Variants in FRAS1 observed in about 807,000 individuals in gnomAD.
FRAS1 encodes Fraser extracellular matrix complex subunit 1, also known as extracellular matrix organizing protein FRAS1.
FRAS1 carries 290 observed loss-of-function variants against 435.2 expected under a neutral mutation model. The observed-to-expected ratio is 0.67, with a 90% CI of 0.61 to 0.73. The LOEUF (loss-of-function observed/expected upper bound fraction) is 0.73, where lower values mean the gene tolerates loss of function less well. FRAS1 is among the 30% of genes least tolerant of loss of function. The pLI is 0.00. For missense variants in FRAS1, 4,860 were observed against 5,001.5 expected (o/e 0.97, Z 0.85); for synonymous variants, 1,800 against 1,851.0 (o/e 0.97, Z 0.71).
At chr4:78,371,412 G>A (rs1731500470) in intron 23 of FRAS1, among the ~76,000 whole-genome samples, 1 of 152,114 alleles carries the variant, frequency 6.6e-6, no homozygotes, top group African/African-American at 2.4e-5. Context: ...GATCGAGGGT[G>A]GCCCTGAATG....
intron 29 of FRAS1, among the ~76,000 whole-genome samples, chr4:78,396,540 C>T (rs1178872695): frequency 6.6e-6 from 1 of 152,110 alleles, no homozygotes; most frequent in Non-Finnish European, 1.5e-5. Flanking sequence ...CTAAGTGTTT[C>T]GAATATATCA....
chr4:78,146,415 A>G lies in FRAS1; in HGVS notation c.108+80399A>G, dbSNP rs181142009. Among the ~76,000 whole-genome samples the G allele has an allele frequency of 9.9e-4, 151 of 152,246 alleles. 1 individual carries two copies. The highest frequency in any genetic ancestry group is 3.5e-3 in the African/African-American group (144 of 41,564). ...TAAACTGTATGCACATACCCCATGCATCTTTTTTGTCTCTTCCTTTATATT... is the reference window on the plus strand; with the variant it reads ...TAAACTGTATGCACATACCCCATGCGTCTTTTTTGTCTCTTCCTTTATATT... On this transcript the variant is annotated intron_variant, in intron 2 of 73. Transcript: ENST00000512123.
At chr4:78,258,818 C>G (rs1198632242) in intron 6 of FRAS1, among the ~76,000 whole-genome samples, 7 of 135,974 alleles carry the variant, frequency 5.1e-5, no homozygotes, top group East Asian at 2.2e-4. Context: ...AACTCGTCAT[C>G]TAGCATTAGG....
intron 2 of FRAS1, among the ~76,000 whole-genome samples, chr4:78,121,988 T>C (rs4634250): frequency 0.22 from 33,026 of 152,186 alleles, 3,944 homozygotes; most frequent in Admixed American, 0.29. Flanking sequence ...AACTTTTTTT[T>C]GTATTATACT....
intron 2 of FRAS1, among the ~76,000 whole-genome samples, chr4:78,120,418 A>T (rs921213492): frequency 1.3e-5 from 2 of 152,190 alleles, no homozygotes; most frequent in African/African-American, 4.8e-5. Context: ...TATTTCTGAG[A>T]TTATCAAAAT....
At chr4:78,526,511 A>G in intron 69 of FRAS1, 30 bp from the exon 70 acceptor site, 1 of 1,448,476 alleles carries the variant, frequency 6.9e-7, no homozygotes, top group South Asian at 1.2e-5. Flanking sequence ...GTTGTTCCCT[A>G]CGATCACAGT....
chr4:78,334,526 A>G (rs542883800), intron 19 of FRAS1, among the ~76,000 whole-genome samples: 130 of 151,352 alleles, frequency 8.6e-4, no homozygotes, highest in African/African-American at 3.0e-3. Context: ...GCGTGCCACC[A>G]CACCCAGCTA....
intron 30 of FRAS1, among the ~76,000 whole-genome samples, chr4:78,404,407 C>CAA (rs769957965): frequency 1.0e-3 from 121 of 115,940 alleles, no homozygotes; most frequent in African/African-American, 3.1e-3. Context: ...TGAGGTACTA[C>CAA]AAAAAAAAAA....
At chr4:78,140,054 AG>A (rs1430258987) in intron 2 of FRAS1, among the ~76,000 whole-genome samples, 1 of 152,302 alleles carries the variant, frequency 6.6e-6, no homozygotes, top group Non-Finnish European at 1.5e-5. Flanking sequence ...CAAATATAAA[AG>A]AATAGTGTAA....
chr4:78,513,638 T>C, intron 65 of FRAS1, 86 bp downstream of exon 65: 1 of 1,233,534 alleles, frequency 8.1e-7, no homozygotes, highest in East Asian at 2.3e-5. Context: ...GAACTGCTTT[T>C]CATGTTTTCT....
In FRAS1 at chr4:78,217,386, G is replaced by A. The variant is rs1051027543; in HGVS notation, c.109-20124G>A. ...AAATTAACCATGACATATGAGAATG[G>A]TATGATCTGGTTGCTGTAGGCAAAG... is the stretch of plus-strand genomic sequence containing the variant. On this transcript the variant is annotated intron_variant, in intron 2 of 73. Transcript: ENST00000512123. Among the ~76,000 whole-genome samples, 9 of 152,076 alleles carry A rather than the reference G, an allele frequency of 5.9e-5. No homozygotes were observed. The South Asian group carries it at 1.7e-3, about 28-fold the overall frequency.
At chr4:78,297,511 G>A (rs1308466649) in intron 14 of FRAS1, among the ~76,000 whole-genome samples, 1 of 152,182 alleles carries the variant, frequency 6.6e-6, no homozygotes, top group Non-Finnish European at 1.5e-5. Context: ...AAAAAGATGT[G>A]TGTTATTTTT....
chr4:78,143,658 G>C (rs1298063478), intron 2 of FRAS1, among the ~76,000 whole-genome samples: 5 of 151,840 alleles, frequency 3.3e-5, no homozygotes, highest in Admixed American at 3.3e-4. Flanking sequence ...CACTTTGGGA[G>C]GCCAAGGCTG....
rs576256428 is a variant in FRAS1, at chr4:78,510,504, T to G, written c.9781-770T>G. On this transcript the variant is annotated intron_variant, in intron 63 of 73. Coordinates refer to ENST00000512123, the MANE Select transcript of FRAS1 (RefSeq NM_025074.7). ...TGGACTTCAGTGAAAATTGTTTTCA[T>G]GGGTAAAATGTATAAGTTTGTGTGA... Among the ~76,000 whole-genome samples, 4 of 152,346 alleles carry G rather than the reference T, an allele frequency of 2.6e-5. No individual in the cohort carries two copies. The South Asian group carries it at 8.3e-4, about 32-fold the overall frequency.
intron 66 of FRAS1, among the ~76,000 whole-genome samples, chr4:78,517,848 A>T (rs1464426070): frequency 1.3e-5 from 2 of 152,204 alleles, no homozygotes; most frequent in Admixed American, 1.3e-4. Flanking sequence ...TAGAGATTTT[A>T]TTGAAGTTCT....
intron 1 of FRAS1, among the ~76,000 whole-genome samples, chr4:78,062,730 A>G (rs1202881631): frequency 6.6e-6 from 1 of 152,230 alleles, no homozygotes; most frequent in Non-Finnish European, 1.5e-5. Context: ...AATTTTATGC[A>G]GTAACGTTTT....
Position 78,540,869 on chromosome 4 carries a change from G to A in FRAS1, c.11784G>A (p.Arg3928=), listed in dbSNP as rs925875618. 3.1e-6 allele frequency: 5 copies of A among 1,613,856 alleles called. No individual in the cohort carries two copies. Among genetic ancestry groups the A allele is most frequent in the Admixed American group, 1.7e-5 (1 of 60,006 alleles). Residue 3928 remains arginine, a synonymous_variant, in exon 74 of 74, where the codon AGG becomes AGA. Coordinates refer to ENST00000512123, the MANE Select transcript of FRAS1 (RefSeq NM_025074.7). ...TTTTGGTGGCTTGTTTTATCAACAG[G>A]AAATGCCAGAAACAGAGGAAGAAGA... ...LVFLVACFIN[R]KCQKQRKKKP...
At chr4:78,421,305 A>T (rs1733780348) in intron 33 of FRAS1, among the ~76,000 whole-genome samples, 1 of 151,756 alleles carries the variant, frequency 6.6e-6, no homozygotes, top group Non-Finnish European at 1.5e-5. Context: ...GTGCCACCAT[A>T]CCCGGCTAAT....
At position 78,200,590 on chromosome 4, in the gene FRAS1, C is replaced by T. The variant is rs144860243; in HGVS notation, c.109-36920C>T. Among the ~76,000 whole-genome samples the T allele has an allele frequency of 3.5e-3, 527 of 152,148 alleles. 4 individuals carry two copies. The highest frequency in any genetic ancestry group is 0.026 in the East Asian group (136 of 5,180). ...TTTGAAGCGGGTAAAGGGATTGATG[C>T]AACACTGATGTGATCGATCTATTCA... On this transcript the variant is annotated intron_variant, in intron 2 of 73. Coordinates refer to ENST00000512123, the MANE Select transcript of FRAS1 (RefSeq NM_025074.7).
Sources: gnomAD v4.1 joint callset for allele counts (sites outside exome capture counted in the v4.1 genomes callset) on GRCh38, gnomAD v4.1.1 for gene constraint, MANE v1.5 for transcripts, NCBI Gene and HGNC (gene_info 2026-07-23, HGNC 2026-07-21) for gene names.